CDH12: variants seen among roughly 807,000 people sequenced by gnomAD.
The protein encoded by CDH12 is cadherin-12.
CDH12 carries 41 observed loss-of-function variants against 74.1 expected under a neutral mutation model. The ratio of observed to expected loss-of-function variants is 0.55; its 90% confidence interval spans 0.43 to 0.72. The LOEUF is 0.72. Among genes scored for constraint, CDH12 ranks in the 30% least tolerant of loss-of-function variants. The probability of loss-of-function intolerance (pLI) is 0.00; values close to 1 mark genes in which losing one functional copy is unlikely to be tolerated. For synonymous variants in CDH12, 399 were observed against 355.0 expected (o/e 1.12, Z -1.39); for missense variants, 945 against 977.2 (o/e 0.97, Z 0.44).
intron 5 of CDH12, among the ~76,000 whole-genome samples, chr5:22,039,186 G>C (rs1261319996): frequency 6.6e-6 from 1 of 152,002 alleles, no homozygotes; most frequent in Non-Finnish European, 1.5e-5. Flanking sequence ...CCTTGGATCT[G>C]AGTTGCCACT....
chr5:21,854,705 C>T lies in CDH12; in HGVS notation c.612G>A (p.Gln204=). ...NSARVVYSIL[Q]GQPYFSIDPK... The stretch of plus-strand genomic sequence containing the variant: ...GATCAATAGAGAAATAAGGTTGTCC[C>T]TGAAGAATGCTGTAAACGACTCTGG... The change falls in exon 7 of 15, where the codon CAG becomes CAA. Residue 204 remains glutamine, a synonymous_variant. Transcript: ENST00000382254. The T allele has an allele frequency of 2.5e-6, 4 of 1,575,198 alleles. No homozygotes were observed. The highest frequency in any genetic ancestry group is 3.5e-6 in the Non-Finnish European group (4 of 1,150,156).
At chr5:22,090,797 C>T (rs910002472) in intron 4 of CDH12, among the ~76,000 whole-genome samples, 2 of 151,810 alleles carry the variant, frequency 1.3e-5, no homozygotes, top group African/African-American at 2.4e-5. Flanking sequence ...AATGTAATAC[C>T]CATGTCAATA....
At chr5:22,343,425 G>T (rs1739977070) in intron 3 of CDH12, among the ~76,000 whole-genome samples, 2 of 151,580 alleles carry the variant, frequency 1.3e-5, no homozygotes, top group Admixed American at 6.6e-5. Context: ...TGTTGTTGTT[G>T]TTTGTTTTTT....
At chr5:21,974,920 T>C (rs1262223981) in intron 6 of CDH12, among the ~76,000 whole-genome samples, 171 bp downstream of exon 6, 1 of 152,194 alleles carries the variant, frequency 6.6e-6, no homozygotes, top group African/African-American at 2.4e-5. Flanking sequence ...ATCTTCATAA[T>C]GAAGCAGAAA....
At chr5:22,752,999 G>A (rs1344164779) in intron 1 of CDH12, among the ~76,000 whole-genome samples, 2 of 152,082 alleles carry the variant, frequency 1.3e-5, no homozygotes, top group Non-Finnish European at 2.9e-5. Flanking sequence ...ACAAAGAAGG[G>A]AATAGAGACG....
chr5:22,655,322 A>AT (rs1433855439), intron 1 of CDH12, among the ~76,000 whole-genome samples: 7 of 152,224 alleles, frequency 4.6e-5, no homozygotes, highest in African/African-American at 1.7e-4. Flanking sequence ...CTAAAAGGCA[A>AT]TGCAGATACT....
intron 5 of CDH12, among the ~76,000 whole-genome samples, chr5:22,073,526 A>G (rs1742097872): frequency 6.6e-6 from 1 of 152,164 alleles, no homozygotes; most frequent in Non-Finnish European, 1.5e-5. Flanking sequence ...GGTTAGTTTG[A>G]GCAACTGGTA....
intron 6 of CDH12, among the ~76,000 whole-genome samples, chr5:21,913,932 CCTCAGT>C (rs967377142): frequency 2.0e-5 from 3 of 152,094 alleles, no homozygotes; most frequent in Non-Finnish European, 4.4e-5. Flanking sequence ...GACCTTCCTG[CCTCAGT>C]CTCCCAAAAT....
chr5:22,380,068 A>G (rs934508511), intron 3 of CDH12, among the ~76,000 whole-genome samples: 7 of 152,180 alleles, frequency 4.6e-5, no homozygotes, highest in African/African-American at 1.4e-4. Flanking sequence ...CCTCTCAAAC[A>G]TTAAAAATGT....
intron 6 of CDH12, among the ~76,000 whole-genome samples, chr5:21,967,764 C>G (rs973723916): frequency 6.6e-6 from 1 of 152,148 alleles, no homozygotes; most frequent in African/African-American, 2.4e-5. Context: ...AGGAATCAAA[C>G]AGACGAATAA....
At chr5:22,302,839 G>T (rs751247282) in intron 3 of CDH12, among the ~76,000 whole-genome samples, 2 of 151,958 alleles carry the variant, frequency 1.3e-5, no homozygotes, top group African/African-American at 4.8e-5. Flanking sequence ...CACTAGGAAC[G>T]TAAAACTGAT....
intron 2 of CDH12, among the ~76,000 whole-genome samples, chr5:22,478,697 GA>G (rs1017903660): frequency 2.0e-5 from 3 of 151,170 alleles, no homozygotes; most frequent in African/African-American, 7.3e-5. Context: ...TTGATGAGGG[GA>G]AAAAAGCCCC....
chr5:22,563,454 C>A (rs1196958621), intron 1 of CDH12, among the ~76,000 whole-genome samples: 1 of 151,842 alleles, frequency 6.6e-6, no homozygotes, highest in Non-Finnish European at 1.5e-5. Context: ...GTTGTTTGAG[C>A]TTCTTATATA....
intron 8 of CDH12, among the ~76,000 whole-genome samples, chr5:21,826,982 C>A (rs575217859): frequency 6.2e-4 from 94 of 152,112 alleles, no homozygotes; most frequent in Middle Eastern, 3.4e-3. Flanking sequence ...GAGCTCCCAC[C>A]ATGACCTATA....
chr5:22,300,142 A>T (rs1737809418), intron 3 of CDH12, among the ~76,000 whole-genome samples: 1 of 152,214 alleles, frequency 6.6e-6, no homozygotes, highest in Admixed American at 6.5e-5. Flanking sequence ...GTTACTCCAT[A>T]CAAAAATAGC....
intron 1 of CDH12, among the ~76,000 whole-genome samples, chr5:22,693,990 A>C (rs1443544578): frequency 6.6e-6 from 1 of 151,920 alleles, no homozygotes; most frequent in Non-Finnish European, 1.5e-5. Context: ...CCCAGGCTGG[A>C]GTGCAGTGGT....
intron 14 of CDH12, among the ~76,000 whole-genome samples, chr5:21,754,711 G>A (rs896366198): frequency 6.6e-6 from 1 of 151,918 alleles, no homozygotes; most frequent in African/African-American, 2.4e-5. Context: ...ATATTTGTCA[G>A]ATTATTTTTG....
In CDH12 at chr5:22,596,094, C is replaced by T. The variant is rs186023271; in HGVS notation, c.-522-90730G>A. On this transcript the variant is annotated intron_variant, in intron 1 of 14. Transcript: ENST00000382254. ...CTGCACTCCAGCCTGGGCGACAGAG[C>T]GTGACTCCGTCTCAAAAAAAATAAA... Among the ~76,000 whole-genome samples, 167 of 139,772 alleles carry T rather than the reference C, an allele frequency of 1.2e-3. 4 individuals are homozygous for T. The East Asian group carries it at 0.037, about 31-fold the overall frequency. The allele number at this position is 139,772 out of a possible 152,430, so 91.7% of individuals were successfully genotyped here.
chr5:22,233,456 T>C (rs1357471928), intron 3 of CDH12, among the ~76,000 whole-genome samples: 1 of 152,102 alleles, frequency 6.6e-6, no homozygotes, highest in Non-Finnish European at 1.5e-5. Flanking sequence ...AAAGTCTAAC[T>C]TATTGGTTTG....
Sources: gnomAD v4.1 joint callset for allele counts (sites outside exome capture counted in the v4.1 genomes callset) on GRCh38, gnomAD v4.1.1 for gene constraint, MANE v1.5 for transcripts, NCBI Gene and HGNC (gene_info 2026-07-23, HGNC 2026-07-21) for gene names.